Variants in DAB1 observed in about 807,000 individuals in gnomAD.
DAB1 encodes disabled homolog 1.
In DAB1, 15 loss-of-function variants were observed where a neutral mutation model predicts 64.6. The observed-to-expected ratio is 0.23, with a 90% CI of 0.16 to 0.36. The LOEUF is 0.36. DAB1 is among the 10% of genes least tolerant of loss of function. The pLI, the probability that DAB1 is intolerant of heterozygous loss-of-function variation, is 1.00. For missense variants in DAB1, 596 were observed against 706.7 expected (o/e 0.84, Z 1.78); for synonymous variants, 235 against 251.9 (o/e 0.93, Z 0.64).
intron 3 of DAB1, among the ~76,000 whole-genome samples, chr1:57,143,158 G>A (rs1172093542): frequency 2.0e-5 from 3 of 152,154 alleles, no homozygotes; most frequent in Admixed American, 2.0e-4. Flanking sequence ...TCTCATGCAC[G>A]AGTCATGGGT....
rs114672811 is a variant in DAB1, at chr1:58,210,470, C to T, written n.310-59882G>A. On this transcript the variant is annotated intron_variant and non_coding_transcript_variant, in intron 4 of 20. Transcript: ENST00000485760. ...TTATTCTCCCCACCTACCCCCAACA[C>T]ACAAGTGAATTAAAGGAAAAAAATA... Among the ~76,000 whole-genome samples, 620 of 152,282 alleles carry T rather than the reference C, an allele frequency of 4.1e-3. 2 individuals are homozygous for T. Among genetic ancestry groups the T allele is most frequent in the Non-Finnish European group, 6.7e-3 (456 of 68,020 alleles).
chr1:58,505,319 AT>A (rs1645970321), intron 3 of DAB1, among the ~76,000 whole-genome samples: 1 of 152,206 alleles, frequency 6.6e-6, no homozygotes, highest in South Asian at 2.1e-4. Flanking sequence ...TTGCTAAAAA[AT>A]GTTCCGCTTT....
chr1:57,227,519 T>TTGTG (rs57671970), intron 2 of DAB1, among the ~76,000 whole-genome samples: 35,136 of 135,498 alleles, frequency 0.26, 4,728 homozygotes, highest in Non-Finnish European at 0.33. Flanking sequence ...TTTTTTTCTT[T>TTGTG]TGTGTGTGTG....
intron 1 of DAB1, among the ~76,000 whole-genome samples, chr1:57,830,730 C>T (rs1652547566): frequency 6.6e-6 from 1 of 152,060 alleles, no homozygotes; most frequent in African/African-American, 2.4e-5. Context: ...ACTGATAAGA[C>T]CGATTTACTA....
At chr1:58,235,909 T>G (rs1660006666) in intron 4 of DAB1, among the ~76,000 whole-genome samples, 1 of 152,160 alleles carries the variant, frequency 6.6e-6, no homozygotes, top group Non-Finnish European at 1.5e-5. Flanking sequence ...GGCCATAAGA[T>G]CAGGTCAGGC....
intron 4 of DAB1, among the ~76,000 whole-genome samples, chr1:57,089,230 G>C (rs1201673875): frequency 6.6e-6 from 1 of 152,136 alleles, no homozygotes; most frequent in South Asian, 2.1e-4. Flanking sequence ...TCCCATGAGG[G>C]AATAACTTCT....
chr1:58,379,935 C>A (rs1398145382), intron 3 of DAB1, among the ~76,000 whole-genome samples: 1 of 152,198 alleles, frequency 6.6e-6, no homozygotes, highest in African/African-American at 2.4e-5. Flanking sequence ...ATTTCTCAGC[C>A]TCTCTTGCAG....
chr1:58,207,410 TCTC>T (rs1244649422), intron 4 of DAB1, among the ~76,000 whole-genome samples: 2 of 152,084 alleles, frequency 1.3e-5, no homozygotes, highest in African/African-American at 2.4e-5. Context: ...TAATCCCACT[TCTC>T]CTACTGCTGC....
chr1:58,366,291 T>C (rs1448026895), intron 3 of DAB1, among the ~76,000 whole-genome samples: 1 of 152,118 alleles, frequency 6.6e-6, no homozygotes, highest in Non-Finnish European at 1.5e-5. Context: ...TGGGATCCCA[T>C]CCATCATCAT....
intron 4 of DAB1, among the ~76,000 whole-genome samples, chr1:57,094,108 C>A (rs1219953003): frequency 6.2e-3 from 697 of 112,266 alleles, no homozygotes; most frequent in South Asian, 7.6e-3. Flanking sequence ...GACTCTGCCT[C>A]AAAAAAAAAA....
At chr1:57,575,927 C>A (rs970919765) in intron 7 of DAB1, among the ~76,000 whole-genome samples, 3 of 152,064 alleles carry the variant, frequency 2.0e-5, no homozygotes, top group African/African-American at 7.2e-5. Flanking sequence ...GAATTAGGTT[C>A]ACCCCCCAAA....
At chr1:57,560,031 G>A (rs1316051297) in intron 7 of DAB1, among the ~76,000 whole-genome samples, 1 of 152,202 alleles carries the variant, frequency 6.6e-6, no homozygotes, top group African/African-American at 2.4e-5. Flanking sequence ...AATTGCAACT[G>A]CTGTACCAGA....
At chr1:57,030,075 T>G (rs1413670730) in intron 9 of DAB1, among the ~76,000 whole-genome samples, 1 of 152,224 alleles carries the variant, frequency 6.6e-6, no homozygotes, top group Non-Finnish European at 1.5e-5. Flanking sequence ...GAATTCCCAT[T>G]TGTTGTGGGA....
chr1:57,693,239 G>A (rs902715219), intron 6 of DAB1, among the ~76,000 whole-genome samples: 2 of 152,132 alleles, frequency 1.3e-5, no homozygotes, highest in Admixed American at 6.5e-5. Flanking sequence ...AGCAGTCATC[G>A]CCCAATTCCC....
At chr1:57,124,151 G>A (rs1368052285) in intron 4 of DAB1, among the ~76,000 whole-genome samples, 1 of 152,070 alleles carries the variant, frequency 6.6e-6, no homozygotes, top group East Asian at 1.9e-4. Flanking sequence ...AAAAGTGAAA[G>A]TACTTTGAAA....
intron 3 of DAB1, among the ~76,000 whole-genome samples, chr1:58,370,028 G>A (rs1644250134): frequency 6.6e-6 from 1 of 152,138 alleles, no homozygotes; most frequent in African/African-American, 2.4e-5. Context: ...TTTTAAATGT[G>A]TATATTCTAG....
At chr1:58,439,082 C>G (rs1644978390) in intron 3 of DAB1, among the ~76,000 whole-genome samples, 1 of 138,242 alleles carries the variant, frequency 7.2e-6, no homozygotes, top group Admixed American at 7.1e-5. Flanking sequence ...AGATATCGTT[C>G]CCCACCCACC....
intron 7 of DAB1, among the ~76,000 whole-genome samples, chr1:57,431,011 C>T (rs1292930914): frequency 1.3e-5 from 2 of 151,462 alleles, no homozygotes; most frequent in East Asian, 3.9e-4. Flanking sequence ...AAGTACAGGA[C>T]GCTAAGGGAG....
chr1:58,463,283 G>A (rs1645261919), intron 3 of DAB1, among the ~76,000 whole-genome samples: 1 of 152,152 alleles, frequency 6.6e-6, no homozygotes, highest in African/African-American at 2.4e-5. Context: ...TGAGTGTGGA[G>A]GTGACAGGTC....
Sources: allele counts gnomAD v4.1 joint callset (sites outside exome capture counted in the v4.1 genomes callset), GRCh38; gene constraint gnomAD v4.1.1; transcripts MANE v1.5; gene names NCBI Gene and HGNC (gene_info 2026-07-23, HGNC 2026-07-21).